Variants in MACROD2 observed in about 807,000 individuals in gnomAD.
MACROD2 encodes mono-ADP ribosylhydrolase 2, also known as ADP-ribose glycohydrolase MACROD2.
MACROD2 carries 36 observed loss-of-function variants against 70.4 expected under a neutral mutation model. The observed-to-expected ratio is 0.51, with a 90% CI of 0.39 to 0.68. The LOEUF (loss-of-function observed/expected upper bound fraction) is 0.68, where lower values mean the gene tolerates loss of function less well. MACROD2 is among the 30% of genes least tolerant of loss of function. The pLI is 0.00. For missense variants in MACROD2, 496 were observed against 538.4 expected, an observed-to-expected ratio of 0.92 and a Z score of 0.78; for synonymous variants, 172 against 178.8, an observed-to-expected ratio of 0.96 and a Z score of 0.30.
chr20:15,513,898 G>A (rs1194713007), intron 8 of MACROD2, among the ~76,000 whole-genome samples: 1 of 152,192 alleles, frequency 6.6e-6, no homozygotes, highest in Non-Finnish European at 1.5e-5. Flanking sequence ...TAATGAAGTA[G>A]AAACATTCTT....
At chr20:14,883,034 T>C (rs1370247294) in intron 5 of MACROD2, among the ~76,000 whole-genome samples, 2 of 152,198 alleles carry the variant, frequency 1.3e-5, no homozygotes, top group Admixed American at 6.5e-5. Flanking sequence ...CATCATATTC[T>C]TGGTCATGAG....
At position 14,657,103 on chromosome 20, in the gene MACROD2, T is replaced by G. The variant is rs571957754; in HGVS notation, c.302-27740T>G. Among the ~76,000 whole-genome samples the G allele has an allele frequency of 1.2e-4, 18 of 152,324 alleles. No homozygotes were observed. The South Asian group carries it at 3.3e-3, about 28-fold the overall frequency. On this transcript the variant is annotated intron_variant, in intron 4 of 17. Coordinates refer to ENST00000684519, the MANE Select transcript of MACROD2 (RefSeq NM_001351661.2). ...GTTATTTCATACATTTGTGCTTTAT[T>G]TAACATTTTTCAATGCATTAGTATT...
chr20:16,026,396 T>G (rs781267539), intron 15 of MACROD2, among the ~76,000 whole-genome samples: 10 of 152,050 alleles, frequency 6.6e-5, no homozygotes, highest in Non-Finnish European at 1.5e-4. Context: ...TGTGAATGAG[T>G]TTACTTGACT....
At chr20:14,818,427 C>A (rs1331810394) in intron 5 of MACROD2, among the ~76,000 whole-genome samples, 1 of 151,958 alleles carries the variant, frequency 6.6e-6, no homozygotes, top group Non-Finnish European at 1.5e-5. Flanking sequence ...CTCTGAGTAC[C>A]CCCCTGAAGA....
intron 9 of MACROD2, among the ~76,000 whole-genome samples, chr20:15,870,958 C>A (rs1249758247): frequency 6.6e-6 from 1 of 151,964 alleles, no homozygotes; most frequent in Non-Finnish European, 1.5e-5. Flanking sequence ...GTGGGTGGAT[C>A]ACAAGGTCAG....
chr20:14,767,296 T>G (rs1175152582), intron 5 of MACROD2, among the ~76,000 whole-genome samples: 2 of 152,138 alleles, frequency 1.3e-5, no homozygotes, highest in Non-Finnish European at 2.9e-5. Context: ...TTATCCAGAA[T>G]CCGACTTGGT....
At chr20:15,576,449 T>G (rs1168301003) in intron 8 of MACROD2, among the ~76,000 whole-genome samples, 1 of 152,178 alleles carries the variant, frequency 6.6e-6, no homozygotes, top group Non-Finnish European at 1.5e-5. Flanking sequence ...ATTTTCTGAC[T>G]GCAAAAGGCC....
chr20:14,419,776 A>G (rs150928149), intron 3 of MACROD2, among the ~76,000 whole-genome samples: 40 of 152,120 alleles, frequency 2.6e-4, no homozygotes, highest in African/African-American at 9.6e-4. Flanking sequence ...TGCTTCTATT[A>G]TTTCTTTTCA....
chr20:14,420,916 C>T (rs1234935538), intron 3 of MACROD2, among the ~76,000 whole-genome samples: 5 of 152,164 alleles, frequency 3.3e-5, no homozygotes, highest in African/African-American at 1.2e-4. Context: ...TGGTCTCGAG[C>T]TCCTGGGCTC....
At chr20:14,680,090 A>G (rs570296738) in intron 4 of MACROD2, among the ~76,000 whole-genome samples, 28 of 152,340 alleles carry the variant, frequency 1.8e-4, no homozygotes, top group Admixed American at 8.5e-4. Context: ...AGCAATAGTT[A>G]TTCACATGGG....
chr20:15,235,177 T>G (rs2077002899), intron 6 of MACROD2, among the ~76,000 whole-genome samples: 1 of 152,178 alleles, frequency 6.6e-6, no homozygotes, highest in Admixed American at 6.5e-5. Flanking sequence ...ATGTTTTATT[T>G]TGAAAAAAAC....
chr20:14,573,127 G>A (rs986686213), intron 4 of MACROD2, among the ~76,000 whole-genome samples: 2 of 151,954 alleles, frequency 1.3e-5, no homozygotes, highest in Non-Finnish European at 2.9e-5. Flanking sequence ...ATAACATCAG[G>A]ATTTGGTATC....
chr20:14,178,302 A>T (rs923021442), intron 3 of MACROD2, among the ~76,000 whole-genome samples: 2 of 152,204 alleles, frequency 1.3e-5, no homozygotes, highest in Non-Finnish European at 2.9e-5. Context: ...TGAAATATCA[A>T]ATTTTAACCC....
intron 5 of MACROD2, among the ~76,000 whole-genome samples, chr20:14,840,969 C>T (rs780667214): frequency 1.8e-4 from 28 of 152,106 alleles, no homozygotes; most frequent in Middle Eastern, 3.4e-3. Flanking sequence ...TACTGTATGA[C>T]GTGAAACGAG....
intron 5 of MACROD2, among the ~76,000 whole-genome samples, chr20:14,863,082 TC>T (rs1033392460): frequency 3.9e-5 from 6 of 151,964 alleles, no homozygotes; most frequent in Admixed American, 3.9e-4. Flanking sequence ...AGGGTTGGCT[TC>T]AAATGAGATC....
At chr20:14,675,014 A>G (rs6042849) in intron 4 of MACROD2, among the ~76,000 whole-genome samples, 5,438 of 152,288 alleles carry the variant, frequency 0.036, 325 homozygotes, top group African/African-American at 0.12. Flanking sequence ...TTCCCTTGCT[A>G]AAAACTGTTT....
intron 8 of MACROD2, among the ~76,000 whole-genome samples, chr20:15,738,048 T>C (rs2051050409): frequency 6.6e-6 from 1 of 151,974 alleles, no homozygotes; most frequent in African/African-American, 2.4e-5. Context: ...TACCAGAGGC[T>C]GGAAAGGGGA....
At chr20:15,643,631 G>C (rs6131685) in intron 8 of MACROD2, among the ~76,000 whole-genome samples, 64,290 of 152,054 alleles carry the variant, frequency 0.42, 15,648 homozygotes, top group East Asian at 0.58. Flanking sequence ...GAGTAGATAT[G>C]ATAAATATTT....
At chr20:14,774,757 T>C (rs1301443088) in intron 5 of MACROD2, among the ~76,000 whole-genome samples, 1 of 152,116 alleles carries the variant, frequency 6.6e-6, no homozygotes, top group Non-Finnish European at 1.5e-5. Flanking sequence ...ACACATATGA[T>C]AAAAGTTGTC....
Sources: allele counts gnomAD v4.1 joint callset (sites outside exome capture counted in the v4.1 genomes callset), GRCh38; gene constraint gnomAD v4.1.1; transcripts MANE v1.5; gene names NCBI Gene and HGNC (gene_info 2026-07-23, HGNC 2026-07-21).